EHD4: variants seen among roughly 807,000 people sequenced by gnomAD.
EHD4 encodes EH domain containing 4.
EHD4 carries 37 observed loss-of-function variants against 51.0 expected under a neutral mutation model. That is an observed-to-expected ratio of 0.73 (90% CI 0.56 to 0.95). The LOEUF is 0.95. EHD4 is among the 40% of genes least tolerant of loss of function. The pLI is 0.00. For missense variants in EHD4, 632 were observed against 733.1 expected (o/e 0.86, Z 1.59); for synonymous variants, 297 against 317.3 (o/e 0.94, Z 0.68).
chr15:41,938,360 G>A (rs572706907), intron 3 of EHD4, among the ~76,000 whole-genome samples: 106 of 152,226 alleles, frequency 7.0e-4, no homozygotes, highest in African/African-American at 2.4e-3. Flanking sequence ...GTATATAGAC[G>A]TTAAAATGGT....
chr15:41,966,740 GT>G (rs2067964151), intron 1 of EHD4, among the ~76,000 whole-genome samples: 1 of 152,198 alleles, frequency 6.6e-6, no homozygotes, highest in Non-Finnish European at 1.5e-5. Context: ...GGTCTGATGG[GT>G]TTCAGGAAAA....
chr15:41,896,590 A>G lies in EHD4; in HGVS notation c.*4055T>C, dbSNP rs946633975. 6.9e-6 allele frequency: 1 copy of G among 144,228 alleles called. No homozygotes were observed. Among genetic ancestry groups the G allele is most frequent in the African/African-American group, 2.5e-5 (1 of 39,560 alleles). The allele number at this position is 144,228 out of a possible 1,614,324, so 8.9% of individuals were successfully genotyped here. ...TAGGTCTGGACCACCAAAAAGGTAG[A>G]TGGGTTGGTGGGAAAAGCCAGATGC... On this transcript the variant is annotated 3_prime_UTR_variant, in exon 6 of 6. Transcript: ENST00000220325.
At chr15:41,905,448 G>A (rs1282748681) in intron 5 of EHD4, among the ~76,000 whole-genome samples, 1 of 152,142 alleles carries the variant, frequency 6.6e-6, no homozygotes, top group African/African-American at 2.4e-5. Context: ...AATTCACTTG[G>A]CTTGTGTGAA....
chr15:41,969,002 C>T (rs148415676), intron 1 of EHD4, among the ~76,000 whole-genome samples: 1 of 152,268 alleles, frequency 6.6e-6, no homozygotes, highest in African/African-American at 2.4e-5. Context: ...ATAGTTTCCC[C>T]CATTGTTCTA....
In EHD4 at chr15:41,953,942, T is replaced by G. The variant is rs1380362005; in HGVS notation, c.237-2A>C. The G allele has an allele frequency of 6.2e-7, 1 of 1,611,074 alleles. No individual in the cohort carries two copies. Among genetic ancestry groups the G allele is most frequent in the Non-Finnish European group, 8.5e-7 (1 of 1,179,408 alleles). ...GGGAAATCCTGCTCCAGTAGGTATC[T>G]GGGAGAGGGAAGAAGAAGAGAAAGC... is the stretch of plus-strand genomic sequence containing the variant. On this transcript the variant is annotated splice_acceptor_variant, in intron 1 of 5. Coordinates refer to ENST00000220325, the MANE Select transcript of EHD4 (RefSeq NM_139265.4). LOFTEE classifies it high-confidence loss of function.
intron 1 of EHD4, among the ~76,000 whole-genome samples, chr15:41,965,675 T>G (rs1426412570): frequency 6.6e-6 from 1 of 152,218 alleles, no homozygotes; most frequent in South Asian, 2.1e-4. Context: ...GTGATTCTGA[T>G]GCACAGCCAC....
intron 3 of EHD4, among the ~76,000 whole-genome samples, chr15:41,934,432 G>A (rs1428834191): frequency 1.3e-5 from 2 of 151,374 alleles, no homozygotes; most frequent in African/African-American, 2.4e-5. Flanking sequence ...CTCTTGCCTC[G>A]GCCTCCCAAG....
At chr15:41,920,211 T>C (rs983668042) in intron 3 of EHD4, among the ~76,000 whole-genome samples, 10 of 152,238 alleles carry the variant, frequency 6.6e-5, no homozygotes, top group African/African-American at 2.4e-4. Flanking sequence ...CTCAGGTATA[T>C]TGTGAATATT....
intron 1 of EHD4, among the ~76,000 whole-genome samples, chr15:41,954,804 A>G (rs540956668): frequency 6.6e-6 from 1 of 152,050 alleles, no homozygotes; most frequent in African/African-American, 2.4e-5. Flanking sequence ...TGCCTAGCTA[A>G]TTTTTTGTAG....
At position 41,900,751 on chromosome 15, in the gene EHD4, G is replaced by A. The variant is rs1450883199; in HGVS notation, c.1520C>T (p.Ala507Val). The A allele has an allele frequency of 6.2e-7, 1 of 1,613,724 alleles. No individual in the cohort carries two copies. The highest frequency in any genetic ancestry group is 8.5e-7 in the Non-Finnish European group (1 of 1,180,028). The change falls in exon 6 of 6, where the codon GCC becomes GTC. Residue 507 changes from alanine to valine, a missense_variant. By Grantham distance (64) the Ala-to-Val change is moderately conservative. Coordinates refer to ENST00000220325, the MANE Select transcript of EHD4 (RefSeq NM_139265.4). The surrounding 1 kb of genome is among the most constrained non-coding windows in gnomAD (Gnocchi z 4.8). ...GMLDEEEFAL[A>V]KHLIKIKLDG... ...GAGCTTGATCTTGATGAGGTGCTTG[G>A]CCAGCGCGAACTCCTCCTCATCAAG...
At chr15:41,934,887 C>T (rs553567221) in intron 3 of EHD4, among the ~76,000 whole-genome samples, 71 of 152,306 alleles carry the variant, frequency 4.7e-4, no homozygotes, top group African/African-American at 1.7e-3. Context: ...CAGGAAGACC[C>T]GGACATTCCT....
intron 2 of EHD4, among the ~76,000 whole-genome samples, chr15:41,947,211 C>T (rs2067820962): frequency 6.6e-6 from 1 of 152,190 alleles, no homozygotes; most frequent in African/African-American, 2.4e-5. Context: ...ATATCATGTG[C>T]AGGGCAACAT....
rs1168501155 is a variant in EHD4 at position 41,949,051 on chromosome 15, T to TAC, written c.413+4711_413+4712dup. ...ATATATATATATATATATATATATA[T>TAC]ACACACATACACACACACATACATA... is the stretch of plus-strand genomic sequence containing the variant. On this transcript the variant is annotated intron_variant, in intron 2 of 5. Coordinates refer to ENST00000220325, the MANE Select transcript of EHD4 (RefSeq NM_139265.4). Among the ~76,000 whole-genome samples the TAC allele has an allele frequency of 7.4e-3, 807 of 108,504 alleles. 10 individuals are homozygous for TAC. Among genetic ancestry groups the TAC allele is most frequent in the South Asian group, 0.013 (35 of 2,684 alleles). The allele number at this position is 108,504 out of a possible 152,430, so 71.2% of individuals were successfully genotyped here. A position where few individuals can be genotyped will look rare whatever the true frequency, so the allele number is the denominator to read the frequency against.
chr15:41,925,171 T>C (rs2067653377), intron 3 of EHD4, among the ~76,000 whole-genome samples: 1 of 152,130 alleles, frequency 6.6e-6, no homozygotes, highest in African/African-American at 2.4e-5. Flanking sequence ...CTGCTAAACT[T>C]GTTTAAAGAT....
chr15:41,937,485 C>T (rs2067739741), intron 3 of EHD4, among the ~76,000 whole-genome samples: 1 of 152,176 alleles, frequency 6.6e-6, no homozygotes, highest in Non-Finnish European at 1.5e-5. Flanking sequence ...ACCCATCTCT[C>T]CAGCCAGGCT....
intron 5 of EHD4, among the ~76,000 whole-genome samples, chr15:41,904,258 C>T (rs181323917): frequency 6.6e-5 from 10 of 152,298 alleles, no homozygotes; most frequent in African/African-American, 2.4e-4. Flanking sequence ...GGAAAACTGG[C>T]AGGGGGAGTG....
chr15:41,954,795 G>T (rs1192193282), intron 1 of EHD4, among the ~76,000 whole-genome samples: 1 of 152,006 alleles, frequency 6.6e-6, no homozygotes, highest in Admixed American at 6.6e-5. Flanking sequence ...ATGCCACCAT[G>T]CCTAGCTAAT....
intron 2 of EHD4, among the ~76,000 whole-genome samples, chr15:41,944,297 G>C (rs1452751147): frequency 6.6e-6 from 1 of 152,216 alleles, no homozygotes; most frequent in Non-Finnish European, 1.5e-5. Context: ...TCCACCCTGG[G>C]CACCAGGGTC....
intron 3 of EHD4, among the ~76,000 whole-genome samples, chr15:41,920,438 C>A (rs762667154): frequency 1.3e-5 from 2 of 152,174 alleles, no homozygotes; most frequent in Non-Finnish European, 2.9e-5. Context: ...GGAGGCCAAG[C>A]CCACAAAGTT....
Sources: allele counts gnomAD v4.1 joint callset (sites outside exome capture counted in the v4.1 genomes callset), GRCh38; gene constraint gnomAD v4.1.1; non-coding constraint Gnocchi (gnomAD v3.1); transcripts MANE v1.5; gene names NCBI Gene and HGNC (gene_info 2026-07-23, HGNC 2026-07-21).